The following PCDHA8 variants were observed in gnomAD, a reference collection of about 807,000 sequenced individuals.
PCDHA8 encodes protocadherin alpha 8.
PCDHA8 carries 53 observed loss-of-function variants against 61.8 expected under a neutral mutation model. The observed-to-expected ratio is 0.86, with a 90% CI of 0.69 to 1.08. The LOEUF is 1.08. Among genes scored for constraint, PCDHA8 ranks in the 50% least tolerant of loss-of-function variants. The pLI, the probability that PCDHA8 is intolerant of heterozygous loss-of-function variation, is 0.00. For synonymous variants in PCDHA8, 618 were observed against 556.6 expected (o/e 1.11, Z -1.55); for missense variants, 1,293 against 1,245.0 (o/e 1.04, Z -0.58).
At chr5:140,935,908 T>TG (rs2090628873) in intron 1 of PCDHA8, among the ~76,000 whole-genome samples, 1 of 151,636 alleles carries the variant, frequency 6.6e-6, no homozygotes, top group Non-Finnish European at 1.5e-5. Context: ...TTTTTTTTTT[T>TG]TTGAGACAGA....
intron 3 of PCDHA8, among the ~76,000 whole-genome samples, chr5:140,992,017 CTG>C (rs10602499): frequency 0.14 from 19,772 of 145,244 alleles, 1,405 homozygotes; most frequent in African/African-American, 0.18. Flanking sequence ...AGAGGTGGCT[CTG>C]TGTGTGTGTG....
intron 1 of PCDHA8, among the ~76,000 whole-genome samples, chr5:140,844,348 A>T (rs1466711189): frequency 6.7e-6 from 1 of 149,514 alleles, no homozygotes; most frequent in Non-Finnish European, 1.5e-5. Context: ...AAGTAAAATC[A>T]AGAGGGAAGA....
At chr5:140,882,400 C>T (rs782194379) in intron 1 of PCDHA8, 10 of 1,614,172 alleles carry the variant, frequency 6.2e-6, no homozygotes, top group Admixed American at 3.3e-5. Context: ...ACGGCACCTT[C>T]GTGGGCCGCA....
intron 1 of PCDHA8, chr5:140,850,192 T>A (rs2150472322): frequency 6.3e-7 from 1 of 1,593,512 alleles, no homozygotes. Flanking sequence ...CCGGCGCTGC[T>A]GACACCTCGG....
At position 140,928,541 on chromosome 5, in the gene PCDHA8, A is replaced by G. The variant is rs149868042; in HGVS notation, c.2395-50408A>G. On this transcript the variant is annotated intron_variant, in intron 1 of 3. Transcript: ENST00000531613. ...AACTTGTTTGTGGTAGATAGGAATG[A>G]CAATTATCCGGTTATCTTGTTTCCC... 2 of 1,614,192 alleles carry G rather than the reference A, an allele frequency of 1.2e-6. No homozygotes were observed. Among genetic ancestry groups the G allele is most frequent in the African/African-American group, 1.3e-5 (1 of 75,044 alleles).
chr5:140,981,981 A>G (rs2096960839), intron 2 of PCDHA8, among the ~76,000 whole-genome samples: 1 of 152,208 alleles, frequency 6.6e-6, no homozygotes, highest in Non-Finnish European at 1.5e-5. Flanking sequence ...GAAAGAGTAA[A>G]ATAGAAAATA....
At chr5:140,923,785 C>T (rs2081509867) in intron 1 of PCDHA8, among the ~76,000 whole-genome samples, 1 of 152,156 alleles carries the variant, frequency 6.6e-6, no homozygotes, top group African/African-American at 2.4e-5. Flanking sequence ...ATGGTTTCTT[C>T]ATTCTTTTCA....
At chr5:140,968,187 A>G in intron 1 of PCDHA8, 3 of 1,614,064 alleles carry the variant, frequency 1.9e-6, no homozygotes, top group Non-Finnish European at 2.5e-6. Context: ...GAGGACTCCT[A>G]TTCCATCTAC....
At chr5:140,969,847 A>G (rs2096364168) in intron 1 of PCDHA8, among the ~76,000 whole-genome samples, 1 of 152,150 alleles carries the variant, frequency 6.6e-6, no homozygotes. Flanking sequence ...TATCTAGTTA[A>G]TATTTCTGGT....
At position 140,957,203 on chromosome 5, in the gene PCDHA8, A is replaced by T. The variant is rs921844658; in HGVS notation, c.2395-21746A>T. 3.3e-5 allele frequency among the ~76,000 whole-genome samples: 5 copies of T among 152,184 alleles called. 1 individual carries two copies. In the South Asian group the frequency reaches 6.2e-4, roughly 19 times the overall value. ...TATTGATGACCGATTGGGAATATAAATAGGCACAAAAATTTGGCGAAGCAT... is the reference window on the plus strand; with the variant it reads ...TATTGATGACCGATTGGGAATATAATTAGGCACAAAAATTTGGCGAAGCAT... On this transcript the variant is annotated intron_variant, in intron 1 of 3. Transcript: ENST00000531613.
chr5:140,942,280 C>T (rs1157451404), intron 1 of PCDHA8, among the ~76,000 whole-genome samples: 6 of 152,030 alleles, frequency 3.9e-5, no homozygotes, highest in African/African-American at 1.5e-4. Context: ...AATGGTGGCT[C>T]ATGCCTGTAA....
rs369328632 is a variant in PCDHA8, at chr5:140,856,073, G to A, written c.2394+12358G>A. On this transcript the variant is annotated intron_variant, in intron 1 of 3. Transcript: ENST00000531613. ...GATGGTTTCCAGATGTAGCTGCCTG[G>A]GGGTCCAGTGTCTGCTGCTCTCGCT... The A allele has an allele frequency of 1.9e-6, 3 of 1,592,028 alleles. 1 individual carries two copies. Among genetic ancestry groups the A allele is most frequent in the Non-Finnish European group, 2.6e-6 (3 of 1,163,816 alleles).
chr5:140,855,822 A>G (rs1409014183), intron 1 of PCDHA8: 5 of 538,132 alleles, frequency 9.3e-6, no homozygotes, highest in South Asian at 3.1e-5. Flanking sequence ...TTGTGAACTC[A>G]TGGAATCGTA....
At chr5:140,923,528 CA>C (rs1240707958) in intron 1 of PCDHA8, among the ~76,000 whole-genome samples, 1 of 151,622 alleles carries the variant, frequency 6.6e-6, no homozygotes, top group Non-Finnish European at 1.5e-5. Context: ...GATTCTGTCC[CA>C]AAAAAAGGAC....
rs1262836505 is a variant in PCDHA8 at position 141,012,081 on chromosome 5, T to C, written c.*2144T>C. The C allele has an allele frequency of 6.5e-6, 1 of 153,748 alleles. No individual in the cohort carries two copies. Among genetic ancestry groups the C allele is most frequent in the Non-Finnish European group, 1.5e-5 (1 of 68,042 alleles). 9.5% of individuals were successfully genotyped at this position (153,748 alleles called of 1,614,324 possible). On this transcript the variant is annotated 3_prime_UTR_variant, in exon 4 of 4. Transcript: ENST00000531613. Reference sequence around the variant, plus strand: ...CAACACATGTGAACCATTGCTACATTGTAGGTTGTGATCATTTTGCCCCAC... The same window carrying C: ...CAACACATGTGAACCATTGCTACATCGTAGGTTGTGATCATTTTGCCCCAC...
rs1444177179 is a variant in PCDHA8 at position 140,984,821 on chromosome 5, T to C, written c.2542+2258T>C. On this transcript the variant is annotated intron_variant, in intron 3 of 3. Transcript: ENST00000531613. ...CTGCCTGAATTCATATTTTCTTAAT[T>C]ACCCTTTCTGTAAATTGGGTGTAGT... Among the ~76,000 whole-genome samples, 4 of 152,192 alleles carry C rather than the reference T, an allele frequency of 2.6e-5. No individual in the cohort carries two copies. In the East Asian group the frequency reaches 7.7e-4, roughly 29 times the overall value.
intron 1 of PCDHA8, among the ~76,000 whole-genome samples, chr5:140,920,858 A>G (rs1182817298): frequency 6.6e-6 from 1 of 151,604 alleles, no homozygotes; most frequent in Non-Finnish European, 1.5e-5. Flanking sequence ...AAAAAAAAAA[A>G]CAAACAAACT....
chr5:140,846,036 T>A (rs2150383909), intron 1 of PCDHA8, among the ~76,000 whole-genome samples: 1 of 149,754 alleles, frequency 6.7e-6, no homozygotes, highest in Non-Finnish European at 1.5e-5. Context: ...TTTAGGAAAG[T>A]CAAGTTAACA....
intron 1 of PCDHA8, among the ~76,000 whole-genome samples, chr5:140,952,645 G>A (rs1396823510): frequency 6.6e-6 from 1 of 152,082 alleles, no homozygotes; most frequent in Non-Finnish European, 1.5e-5. Context: ...ACCTGTGCCT[G>A]GTTACCCAGT....
Sources: gnomAD v4.1 joint callset for allele counts (sites outside exome capture counted in the v4.1 genomes callset) on GRCh38, gnomAD v4.1.1 for gene constraint, MANE v1.5 for transcripts, NCBI Gene and HGNC (gene_info 2026-07-23, HGNC 2026-07-21) for gene names.